Variants in POTEF observed in about 807,000 individuals in gnomAD.
The protein encoded by POTEF is ANKRD26-like family C member 1B.
In POTEF, 20 loss-of-function variants were observed where a neutral mutation model predicts 83.2. The observed-to-expected ratio is 0.24, with a 90% confidence interval of 0.17 to 0.35. The LOEUF is 0.35. Among genes scored for constraint, POTEF ranks in the 10% least tolerant of loss-of-function variants. The probability of loss-of-function intolerance (pLI) is 1.00; values close to 1 mark genes in which losing one functional copy is unlikely to be tolerated. For synonymous variants in POTEF, 196 were observed against 446.4 expected, an observed-to-expected ratio of 0.44 and a Z score of 7.07; for missense variants, 550 against 1,203.2, an observed-to-expected ratio of 0.46 and a Z score of 8.03.
At position 130,120,255 on chromosome 2, in the gene POTEF, G is replaced by A. The variant is rs1553473275; in HGVS notation, c.261C>T (p.Asp87=). The change falls in exon 3 of 17, where the codon GAC becomes GAT. Residue 87 remains aspartate (D), a synonymous_variant. Transcript: ENST00000409914. ...TCCTGAGTGTCTTCATAGCAGAGTC[G>A]TCGTGGTCTCCAGAAGCGCCCACGT... is the stretch of plus-strand genomic sequence containing the variant. ...KSNVGASGDH[D]DSAMKTLRNK... 2.1e-5 allele frequency: 34 copies of A among 1,596,840 alleles called. 1 individual carries two copies. The South Asian group carries it at 2.9e-4, about 14-fold the overall frequency.
At position 130,120,369 on chromosome 2, in the gene POTEF, G is replaced by A. The variant is rs372593701; in HGVS notation, c.147C>T (p.His49=). The A allele has an allele frequency of 3.7e-4, 591 of 1,601,946 alleles. 3 individuals are homozygous for A. The African/African-American group carries it at 7.0e-3, about 19-fold the overall frequency. The stretch of plus-strand genomic sequence containing the variant: ...TGAGTGTCTTCATAGCAGAGTCGTC[G>A]TGGTCTCCAGAAGTGCCCACGTTGC... ...GKSNVGTSGD[H]DDSAMKTLRS... Residue 49 remains histidine, a synonymous_variant, in exon 3 of 17, where the codon CAC becomes CAT. Coordinates refer to ENST00000409914, the MANE Select transcript of POTEF (RefSeq NM_001099771.2).
At chr2:130,103,638 T>G (rs920140329) in intron 8 of POTEF, among the ~76,000 whole-genome samples, 6 of 150,352 alleles carry the variant, frequency 4.0e-5, no homozygotes, top group African/African-American at 1.5e-4. Flanking sequence ...AATTTCTTAT[T>G]GAGTCCTGCT....
chr2:130,128,694 C>G (rs1685162291), intron 1 of POTEF, among the ~76,000 whole-genome samples: 2 of 152,094 alleles, frequency 1.3e-5, no homozygotes, highest in South Asian at 4.1e-4. Flanking sequence ...GATAGCGCAC[C>G]CTGAGTAAGG....
Position 130,103,568 on chromosome 2 carries a change from G to T in POTEF, c.1127-1388C>A, listed in dbSNP as rs13430472. On this transcript the variant is annotated intron_variant, in intron 8 of 16. Transcript: ENST00000409914. The stretch of plus-strand genomic sequence containing the variant: ...CATTATTCCTCCACATGTCTGTCCC[G>T]TCTGCTCCAAGACTGCAGAGGACAG... 5.4e-4 allele frequency among the ~76,000 whole-genome samples: 77 copies of T among 141,714 alleles called. 1 individual carries two copies. The highest frequency in any genetic ancestry group is 1.0e-3 in the Non-Finnish European group (69 of 66,058). The allele number at this position is 141,714 out of a possible 152,430, so 93.0% of individuals were successfully genotyped here.
rs1172847497 is a variant in POTEF, at chr2:130,075,212, C to A, written c.2260G>T (p.Val754Leu). 1 of 1,612,560 alleles carries A rather than the reference C, an allele frequency of 6.2e-7. No individual in the cohort carries two copies. Among genetic ancestry groups the A allele is most frequent in the Non-Finnish European group, 8.5e-7 (1 of 1,179,918 alleles). The change falls in exon 17 of 17, where the codon GTG (valine) becomes TTG (leucine). Residue 754 changes from valine to leucine, a missense_variant. By Grantham distance (32) the Val-to-Leu change is conservative. Coordinates refer to ENST00000409914, the MANE Select transcript of POTEF (RefSeq NM_001099771.2). ...MGGMHQKESY[V>L]GKEAQSKRGI... The stretch of plus-strand genomic sequence containing the variant: ...CTTTTGCTCTGGGCCTCCTTGCCCA[C>A]ATAGGACTCTTTCTGATGCATGCCC...
chr2:130,120,627 C>T lies in POTEF; in HGVS notation c.-93-19G>A. The T allele has an allele frequency of 6.4e-7, 1 of 1,572,328 alleles. No homozygotes were observed. Among genetic ancestry groups the T allele is most frequent in the East Asian group, 2.2e-5 (1 of 44,574 alleles). On this transcript the variant is annotated intron_variant, in intron 2 of 16. Coordinates refer to ENST00000409914, the MANE Select transcript of POTEF (RefSeq NM_001099771.2). ...TTCCAATCTGTTTGAAGAGAAAAGT[C>T]AATCCCAGCCAAAACCTGCCAACCC...
At chr2:130,117,781 T>A (rs10183148) in intron 3 of POTEF, among the ~76,000 whole-genome samples, 1 of 152,036 alleles carries the variant, frequency 6.6e-6, no homozygotes, top group Admixed American at 6.5e-5. Context: ...TATAATGGAA[T>A]TGATGAGTAA....
At chr2:130,120,957 G>A (rs1211018029) in intron 2 of POTEF, 1 of 278,616 alleles carries the variant, frequency 3.6e-6, no homozygotes, top group Non-Finnish European at 6.9e-6. Context: ...AGCCGTTAAA[G>A]CGCGTGCAGC....
intron 9 of POTEF, 64 bp from the exon 10 acceptor site, chr2:130,100,784 A>C (rs1358475232): frequency 1.9e-5 from 30 of 1,573,310 alleles, no homozygotes; most frequent in Non-Finnish European, 1.7e-5. Flanking sequence ...CCTCTTTTGG[A>C]GCGCATGTTT....
Position 130,112,230 on chromosome 2 carries a change from T to G in POTEF, c.811-129A>C, listed in dbSNP as rs1161162473. The G allele has an allele frequency of 4.5e-6, 5 of 1,105,372 alleles. No individual in the cohort carries two copies. In the African/African-American group the frequency reaches 1.1e-4, roughly 23 times the overall value. 68.5% of individuals were successfully genotyped at this position (1,105,372 alleles called of 1,614,324 possible). A position where few individuals can be genotyped will look rare whatever the true frequency, so the allele number is the denominator to read the frequency against. ...AAGTAAATAAAATGTAGTCACTTCC[T>G]TCTCACTCTTCTGTGCTTTCCCACA... On this transcript the variant is annotated intron_variant, in intron 5 of 16. Transcript: ENST00000409914.
chr2:130,118,343 C>T lies in POTEF; in HGVS notation c.521+1652G>A, dbSNP rs1684897757. Among the ~76,000 whole-genome samples the T allele has an allele frequency of 3.9e-5, 6 of 152,034 alleles. No homozygotes were observed. The South Asian group carries it at 1.2e-3, about 32-fold the overall frequency. On this transcript the variant is annotated intron_variant, in intron 3 of 16. Coordinates refer to ENST00000409914, the MANE Select transcript of POTEF (RefSeq NM_001099771.2). ...GCTATCTTTTCCTATGTGCATAGGT[C>T]ACTGGTAGATATGCAAAAAAAGTAC...
intron 16 of POTEF, among the ~76,000 whole-genome samples, chr2:130,076,813 G>A (rs1226437626): frequency 2.0e-5 from 3 of 151,492 alleles, no homozygotes; most frequent in Non-Finnish European, 2.9e-5. Context: ...TTCTGATGTG[G>A]AAAGATCATC....
At position 130,075,126 on chromosome 2, in the gene POTEF, C is replaced by A. The variant is rs761985557; in HGVS notation, c.2346G>T (p.Met782Ile). 6.2e-7 allele frequency: 1 copy of A among 1,613,638 alleles called. No individual in the cohort carries two copies. Among genetic ancestry groups the A allele is most frequent in the South Asian group, 1.1e-5 (1 of 91,070 alleles). ...AGAAGGTGTGGTGCCAGATCTTCTC[C>A]ATGTCATCCCAGTTGGTGATGATGC... Reference protein sequence around the residue: ...EHGIITNWDDMEKIWHHTFYN... With the variant: ...EHGIITNWDDIEKIWHHTFYN... Residue 782 changes from methionine to isoleucine, a missense_variant, in exon 17 of 17, where the codon ATG becomes ATT. Transcript: ENST00000409914.
chr2:130,115,613 T>C (rs1328346311), intron 3 of POTEF, among the ~76,000 whole-genome samples: 9 of 152,158 alleles, frequency 5.9e-5, no homozygotes, highest in East Asian at 1.9e-4. Context: ...GCTTAGCCTT[T>C]TGGGGTCTCA....
intron 2 of POTEF, among the ~76,000 whole-genome samples, chr2:130,126,347 G>C (rs1329909945): frequency 6.6e-6 from 1 of 151,694 alleles, no homozygotes; most frequent in East Asian, 1.9e-4. Context: ...AGGAAATGGT[G>C]GCAGAGAAAA....
chr2:130,105,587 A>G (rs1164387929), intron 8 of POTEF, among the ~76,000 whole-genome samples: 3 of 151,074 alleles, frequency 2.0e-5, no homozygotes, highest in Non-Finnish European at 4.4e-5. Flanking sequence ...GTTTGCTTAC[A>G]TATAATCATG....
intron 2 of POTEF, among the ~76,000 whole-genome samples, chr2:130,122,090 GACTT>G (rs1685014050): frequency 6.7e-6 from 1 of 149,406 alleles, no homozygotes; most frequent in African/African-American, 2.5e-5. Flanking sequence ...AGTTACGTGT[GACTT>G]ACTACTTTCA....
At chr2:130,095,028 T>C (rs113504351) in intron 11 of POTEF, among the ~76,000 whole-genome samples, 1 of 106,992 alleles carries the variant, frequency 9.3e-6, no homozygotes, top group African/African-American at 3.4e-5. Context: ...TGTCAAACTT[T>C]TTTTTTTTTT....
chr2:130,126,532 C>T (rs961580071), intron 2 of POTEF, among the ~76,000 whole-genome samples: 5 of 152,020 alleles, frequency 3.3e-5, no homozygotes, highest in Non-Finnish European at 7.4e-5. Context: ...CCCATTTATG[C>T]CAGAGGCTGC....
Sources: allele counts gnomAD v4.1 joint callset (sites outside exome capture counted in the v4.1 genomes callset), GRCh38; gene constraint gnomAD v4.1.1; transcripts MANE v1.5; gene names NCBI Gene and HGNC (gene_info 2026-07-23, HGNC 2026-07-21).